The following UGT2B15 variants were observed in gnomAD, a reference collection of about 807,000 sequenced individuals.
UGT2B15 encodes UDP glucuronosyltransferase family 2 member B15, also known as UDP-glucuronosyltransferase 2B15.
UGT2B15 carries 36 observed loss-of-function variants against 45.9 expected under a neutral mutation model. The observed-to-expected ratio is 0.78, with a 90% confidence interval of 0.60 to 1.04. The LOEUF is 1.04. UGT2B15 is among the 50% of genes least tolerant of loss of function. UGT2B15 has a pLI of 0.00. For synonymous variants in UGT2B15, 219 were observed against 216.4 expected (o/e 1.01, Z -0.11); for missense variants, 617 against 622.4 (o/e 0.99, Z 0.09).
intron 2 of UGT2B15, 48 bp from the exon 3 acceptor site, chr4:68,663,187 A>T (rs1328015976): frequency 6.4e-7 from 1 of 1,570,692 alleles, no homozygotes. Flanking sequence ...CAGCACAGAA[A>T]ACACTATTGA....
At chr4:68,666,488 A>G (rs1288413781) in intron 2 of UGT2B15, among the ~76,000 whole-genome samples, 1 of 152,096 alleles carries the variant, frequency 6.6e-6, no homozygotes, top group Non-Finnish European at 1.5e-5. Flanking sequence ...ATCTGTGGTA[A>G]CTACTTTTTT....
rs757664098 is a variant in UGT2B15, at chr4:68,649,775, C to A, written c.1314-2392G>T. On this transcript the variant is annotated intron_variant, in intron 5 of 5. Transcript: ENST00000338206. Reference sequence around the variant, plus strand: ...AATATTTCAAAGATCACTATTTTGTCTTTTCTTTTTGGTCTGCTTAAATTT... The same window carrying A: ...AATATTTCAAAGATCACTATTTTGTATTTTCTTTTTGGTCTGCTTAAATTT... Among the ~76,000 whole-genome samples, 9 of 151,544 alleles carry A rather than the reference C, an allele frequency of 5.9e-5. 1 individual carries two copies. The highest frequency in any genetic ancestry group is 2.2e-4 in the African/African-American group (9 of 41,224).
intron 1 of UGT2B15, among the ~76,000 whole-genome samples, chr4:68,669,228 C>T (rs1307158625): frequency 6.6e-6 from 1 of 152,046 alleles, no homozygotes; most frequent in Non-Finnish European, 1.5e-5. Flanking sequence ...CTTAATTTGG[C>T]CCCTATTTTC....
chr4:68,648,848 A>G (rs186435988), intron 5 of UGT2B15, among the ~76,000 whole-genome samples: 27 of 152,190 alleles, frequency 1.8e-4, no homozygotes, highest in African/African-American at 5.5e-4. Context: ...CAGTTGTTTA[A>G]TAGCATTGGT....
At position 68,655,159 on chromosome 4, in the gene UGT2B15, C is replaced by T. The variant is rs147708073; in HGVS notation, c.1029G>A (p.Lys343=). The change falls in exon 4 of 6, where the codon AAG becomes AAA. Residue 343 remains lysine (K), a synonymous_variant. Coordinates refer to ENST00000338206, the MANE Select transcript of UGT2B15 (RefSeq NM_001076.4). ...PQKVLWRFDG[K]KPNTLGSNTR... ...TATTGGAACCTAAAGTATTTGGCTTCTTGCCATCAAATCTCCATAGAACCT... is the reference window on the plus strand; with the variant it reads ...TATTGGAACCTAAAGTATTTGGCTTTTTGCCATCAAATCTCCATAGAACCT... The T allele has an allele frequency of 5.5e-5, 89 of 1,613,340 alleles. 2 individuals carry two copies. In the African/African-American group the frequency reaches 1.1e-3, roughly 21 times the overall value.
chr4:68,648,449 G>A (rs1270237302), intron 5 of UGT2B15, among the ~76,000 whole-genome samples: 3 of 151,964 alleles, frequency 2.0e-5, no homozygotes, highest in Non-Finnish European at 4.4e-5. Flanking sequence ...GCTTCCCCTT[G>A]TATGATACCT....
At chr4:68,650,056 G>C (rs192967986) in intron 5 of UGT2B15, among the ~76,000 whole-genome samples, 1 of 151,856 alleles carries the variant, frequency 6.6e-6, no homozygotes, top group East Asian at 1.9e-4. Flanking sequence ...GTATGGTCTC[G>C]ATATCTTGAC....
Position 68,669,882 on chromosome 4 carries a change from A to G in UGT2B15, c.724+13T>C, listed in dbSNP as rs1250776941. On this transcript the variant is annotated intron_variant, in intron 1 of 5. Coordinates refer to ENST00000338206, the MANE Select transcript of UGT2B15 (RefSeq NM_001076.4). ...TTAGAACTTAATAAGCACCAGTTAG[A>G]CACATGACTTACCTAGAACTTCACT... 1 of 1,595,184 alleles carries G rather than the reference A, an allele frequency of 6.3e-7. No homozygotes were observed.
At chr4:68,648,629 C>T (rs1292821149) in intron 5 of UGT2B15, among the ~76,000 whole-genome samples, 1 of 151,998 alleles carries the variant, frequency 6.6e-6, no homozygotes, top group African/African-American at 2.4e-5. Flanking sequence ...TATGTGACTA[C>T]CTCAAAATTT....
intron 3 of UGT2B15, among the ~76,000 whole-genome samples, chr4:68,657,281 T>A (rs998366974): frequency 3.9e-5 from 6 of 151,948 alleles, no homozygotes; most frequent in Admixed American, 1.3e-4. Context: ...TGCAGGGAAA[T>A]CCCCAATAAA....
Position 68,657,609 on chromosome 4 carries a change from T to C in UGT2B15, c.1006-2427A>G, listed in dbSNP as rs535674453. On this transcript the variant is annotated intron_variant, in intron 3 of 5. Transcript: ENST00000338206. ...TGGTAGGTTTTATGACACCTCTACT[T>C]GGCAGAGTTTATGTAAAATGAAGGT... 1.9e-3 allele frequency among the ~76,000 whole-genome samples: 287 copies of C among 152,204 alleles called. 2 individuals are homozygous for C. In the South Asian group the frequency reaches 0.035, roughly 19 times the overall value.
At chr4:68,665,500 C>T (rs1733093094) in intron 2 of UGT2B15, among the ~76,000 whole-genome samples, 1 of 151,958 alleles carries the variant, frequency 6.6e-6, no homozygotes, top group Non-Finnish European at 1.5e-5. Flanking sequence ...GTATTTGCTA[C>T]CGATATTGAA....
rs540362990 is a variant in UGT2B15, at chr4:68,657,811, G to A, written c.1006-2629C>T. Among the ~76,000 whole-genome samples the A allele has an allele frequency of 1.6e-3, 249 of 152,076 alleles. 2 individuals carry two copies. Among genetic ancestry groups the A allele is most frequent in the Non-Finnish European group, 2.9e-3 (198 of 67,964 alleles). The stretch of plus-strand genomic sequence containing the variant: ...TCAACAGGTTTTTGTCTGCAAGCTG[G>A]TCAATTTTTTTTATCTCATGGCTAA... On this transcript the variant is annotated intron_variant, in intron 3 of 5. Coordinates refer to ENST00000338206, the MANE Select transcript of UGT2B15 (RefSeq NM_001076.4).
At chr4:68,653,828 C>T (rs1212946400) in intron 5 of UGT2B15, among the ~76,000 whole-genome samples, 1 of 151,642 alleles carries the variant, frequency 6.6e-6, no homozygotes, top group African/African-American at 2.4e-5. Flanking sequence ...TTTTATAATT[C>T]ATTGCAGTCA....
At position 68,663,050 on chromosome 4, in the gene UGT2B15, A is replaced by C. The variant is rs368776140; in HGVS notation, c.963T>G (p.Ser321Arg). Residue 321 changes from serine (S) to arginine (R), a missense_variant, in exon 3 of 6, where the codon AGT becomes AGG. Physicochemically the swap from Ser to Arg is moderately radical, Grantham distance 110. Around this residue, in one of 3 missense-constraint regions of UGT2B15, gnomAD observed 1 missense variants for 35.2 expected, o/e 0.03. Coordinates refer to ENST00000338206, the MANE Select transcript of UGT2B15 (RefSeq NM_001076.4). ...GSMISNMSEE[S>R]ANMIASALAQ... ...CAAGGGCTGATGCAATCATGTTGGC[A>C]CTTTCTTCTGACATGTTACTGATCA... 1 of 1,556,034 alleles carries C rather than the reference A, an allele frequency of 6.4e-7. No homozygotes were observed. The highest frequency in any genetic ancestry group is 8.7e-7 in the Non-Finnish European group (1 of 1,145,774).
At position 68,647,068 on chromosome 4, in the gene UGT2B15, A is replaced by G. The variant is rs780251943; in HGVS notation, c.*36T>C. On this transcript the variant is annotated 3_prime_UTR_variant, in exon 6 of 6. Coordinates refer to ENST00000338206, the MANE Select transcript of UGT2B15 (RefSeq NM_001076.4). ...CATGCTGAAATAAAGGAGGAGTCCC[A>G]TCTTTCAGTCATTCCACTTCAGGCT... 6.3e-7 allele frequency: 1 copy of G among 1,584,424 alleles called. No homozygotes were observed. The highest frequency in any genetic ancestry group is 8.6e-7 in the Non-Finnish European group (1 of 1,163,832).
intron 5 of UGT2B15, among the ~76,000 whole-genome samples, chr4:68,649,780 C>A (rs553615394): frequency 6.6e-6 from 1 of 151,668 alleles, no homozygotes; most frequent in Admixed American, 6.6e-5. Flanking sequence ...TTTGTCTTTT[C>A]TTTTTGGTCT....
In UGT2B15 at chr4:68,664,971, C is replaced by T. The variant is rs186313299; in HGVS notation, c.874-1832G>A. 2.4e-4 allele frequency among the ~76,000 whole-genome samples: 37 copies of T among 152,244 alleles called. 1 individual carries two copies. Among genetic ancestry groups the T allele is most frequent in the Admixed American group, 2.2e-3 (34 of 15,280 alleles). ...TTGCCTGTAGCCACATTTAATGTAA[C>T]TTGAGTTCAATGTTTTGTCTCATTC... On this transcript the variant is annotated intron_variant, in intron 2 of 5. Coordinates refer to ENST00000338206, the MANE Select transcript of UGT2B15 (RefSeq NM_001076.4).
At chr4:68,662,346 CT>C (rs201312200) in intron 3 of UGT2B15, among the ~76,000 whole-genome samples, 1,700 of 151,486 alleles carry the variant, frequency 0.011, 36 homozygotes, top group African/African-American at 0.037. Flanking sequence ...TTACATTTTT[CT>C]GCTTAAGACA....
Sources: allele counts gnomAD v4.1 joint callset (sites outside exome capture counted in the v4.1 genomes callset), GRCh38; gene constraint gnomAD v4.1.1; regional missense constraint gnomAD v4.1.1; transcripts MANE v1.5; gene names NCBI Gene and HGNC (gene_info 2026-07-23, HGNC 2026-07-21).